ELAVL2: variants seen among roughly 807,000 people sequenced by gnomAD.
The protein encoded by ELAVL2 is ELAV-like protein 2.
A neutral mutation model predicts 34.6 loss-of-function variants in ELAVL2; 4 were observed. That is an observed-to-expected ratio of 0.12 (90% CI 0.06 to 0.26). The LOEUF is 0.26. Ranked by LOEUF, ELAVL2 falls within the 10% of genes least tolerant of loss-of-function variation. The pLI, the probability that ELAVL2 is intolerant of heterozygous loss-of-function variation, is 1.00. For missense variants in ELAVL2, 432 were observed against 442.8 expected, an observed-to-expected ratio of 0.98 and a Z score of 0.22; for synonymous variants, 193 against 154.8, an observed-to-expected ratio of 1.25 and a Z score of -1.83.
At chr9:23,713,695 C>A (rs990582993) in intron 3 of ELAVL2, among the ~76,000 whole-genome samples, 1 of 152,114 alleles carries the variant, frequency 6.6e-6, no homozygotes, top group African/African-American at 2.4e-5. Context: ...GAATAGGCTG[C>A]AACTGAGGCA....
chr9:23,818,604 C>A (rs929963419), intron 1 of ELAVL2, among the ~76,000 whole-genome samples: 1 of 152,216 alleles, frequency 6.6e-6, no homozygotes, highest in African/African-American at 2.4e-5. Context: ...GGGTGGCACA[C>A]CATCTAGCCC....
chr9:23,728,472 T>C (rs2045789884), intron 3 of ELAVL2, among the ~76,000 whole-genome samples: 1 of 152,116 alleles, frequency 6.6e-6, no homozygotes, highest in Non-Finnish European at 1.5e-5. Context: ...GCAATAGCAC[T>C]GGCATCACTC....
At chr9:23,696,660 A>G (rs1301432153) in intron 5 of ELAVL2, among the ~76,000 whole-genome samples, 1 of 151,818 alleles carries the variant, frequency 6.6e-6, no homozygotes, top group Non-Finnish European at 1.5e-5. Context: ...TTTAGTAGAG[A>G]CGGGGTTTCA....
chr9:23,764,783 G>C (rs2055860069), intron 1 of ELAVL2, among the ~76,000 whole-genome samples: 1 of 151,922 alleles, frequency 6.6e-6, no homozygotes, highest in African/African-American at 2.4e-5. Context: ...TCCTAATTTA[G>C]ATTGTAAAAA....
In ELAVL2 at chr9:23,701,406, G is replaced by A. The variant is rs1045462141; in HGVS notation, c.686C>T (p.Pro229Leu). The A allele has an allele frequency of 6.2e-7, 1 of 1,614,060 alleles. No individual in the cohort carries two copies. The highest frequency in any genetic ancestry group is 8.5e-7 in the Non-Finnish European group (1 of 1,179,972). Residue 229 changes from proline to leucine, a missense_variant, in exon 5 of 7, where the codon CCG (proline) becomes CTG (leucine). Around this residue, in one of 3 missense-constraint regions of ELAVL2, gnomAD observed 295 missense variants for 306.1 expected, o/e 0.96. Coordinates refer to ENST00000397312, the MANE Select transcript of ELAVL2 (RefSeq NM_004432.5). The part of the protein sequence containing the change: ...YQSPNRRYPG[P>L]LAQQAQRFRL... ...AAAACGCTGTGCCTGCTGAGCTAGC[G>A]GTCCTGGATACCTTCTGTTTGGAGA...
intron 2 of ELAVL2, among the ~76,000 whole-genome samples, chr9:23,754,731 G>C (rs1052594548): frequency 2.0e-5 from 3 of 152,166 alleles, no homozygotes; most frequent in Non-Finnish European, 2.9e-5. Flanking sequence ...CCAAAGTGCT[G>C]AGAATACAGG....
chr9:23,813,412 C>CT (rs559247550), intron 1 of ELAVL2, among the ~76,000 whole-genome samples: 7,444 of 132,858 alleles, frequency 0.056, 201 homozygotes, highest in Middle Eastern at 0.081. Context: ...CTCATATCGG[C>CT]TTTTTTTTTT....
chr9:23,765,563 A>G (rs758414930), intron 1 of ELAVL2, among the ~76,000 whole-genome samples: 1 of 152,170 alleles, frequency 6.6e-6, no homozygotes, highest in South Asian at 2.1e-4. Flanking sequence ...AGACATTAAG[A>G]GAAGCTATAT....
intron 3 of ELAVL2, among the ~76,000 whole-genome samples, chr9:23,712,201 A>G (rs1255987332): frequency 6.6e-6 from 1 of 152,126 alleles, no homozygotes; most frequent in African/African-American, 2.4e-5. Flanking sequence ...CAACTTTTCC[A>G]AAGACACAAA....
chr9:23,815,038 T>A (rs1303787367), intron 1 of ELAVL2, among the ~76,000 whole-genome samples: 1 of 152,166 alleles, frequency 6.6e-6, no homozygotes, highest in Non-Finnish European at 1.5e-5. Flanking sequence ...CCATCAATGA[T>A]GTTCACACCA....
At chr9:23,693,787 A>T (rs1196293143) in intron 5 of ELAVL2, among the ~76,000 whole-genome samples, 1 of 152,168 alleles carries the variant, frequency 6.6e-6, no homozygotes, top group Non-Finnish European at 1.5e-5. Flanking sequence ...TAGGGTTCTC[A>T]TCAGGTAGCT....
At chr9:23,711,437 A>G (rs1355896671) in intron 3 of ELAVL2, among the ~76,000 whole-genome samples, 1 of 152,180 alleles carries the variant, frequency 6.6e-6, no homozygotes, top group Non-Finnish European at 1.5e-5. Context: ...TTTCAGATAA[A>G]TTTTAGAATT....
chr9:23,759,096 GT>G (rs1374369246), intron 2 of ELAVL2, among the ~76,000 whole-genome samples: 1 of 151,940 alleles, frequency 6.6e-6, no homozygotes, highest in Non-Finnish European at 1.5e-5. Context: ...AAATCAATTT[GT>G]CAAAAGGGAT....
chr9:23,727,742 A>T (rs2045579149), intron 3 of ELAVL2, among the ~76,000 whole-genome samples: 1 of 152,082 alleles, frequency 6.6e-6, no homozygotes, highest in African/African-American at 2.4e-5. Context: ...TTAGGTCCTC[A>T]CAGAGCCTGA....
intron 1 of ELAVL2, among the ~76,000 whole-genome samples, chr9:23,794,824 A>G (rs2060721745): frequency 6.6e-6 from 1 of 152,194 alleles, no homozygotes; most frequent in South Asian, 2.1e-4. Flanking sequence ...AAAATATGGC[A>G]GAGTATGCAT....
chr9:23,811,277 T>A (rs1208109709), intron 1 of ELAVL2, among the ~76,000 whole-genome samples: 1 of 151,002 alleles, frequency 6.6e-6, no homozygotes, highest in Non-Finnish European at 1.5e-5. Context: ...AATGAGCCTC[T>A]CCACTAAATC....
chr9:23,712,413 T>C (rs558019585), intron 3 of ELAVL2, among the ~76,000 whole-genome samples: 31 of 152,278 alleles, frequency 2.0e-4, no homozygotes, highest in Middle Eastern at 6.8e-3. Flanking sequence ...CTACATAGAA[T>C]ATTTTCTTGT....
chr9:23,704,306 A>G (rs555320309), intron 4 of ELAVL2, among the ~76,000 whole-genome samples: 1 of 152,274 alleles, frequency 6.6e-6, no homozygotes, highest in Non-Finnish European at 1.5e-5. Context: ...ATATTGCTAT[A>G]GCTTTGTTAA....
At chr9:23,778,221 A>G (rs971360729) in intron 1 of ELAVL2, among the ~76,000 whole-genome samples, 3 of 152,202 alleles carry the variant, frequency 2.0e-5, no homozygotes, top group Admixed American at 2.0e-4. Context: ...GGTTGAAAAG[A>G]AGGACAAAGG....
Sources: gnomAD v4.1 joint callset for allele counts (sites outside exome capture counted in the v4.1 genomes callset) on GRCh38, gnomAD v4.1.1 for gene constraint, gnomAD v4.1.1 regional missense constraint, MANE v1.5 for transcripts, NCBI Gene and HGNC (gene_info 2026-07-23, HGNC 2026-07-21) for gene names.